The following PRPF6 variants were observed in gnomAD, a reference collection of about 807,000 sequenced individuals.
PRPF6 encodes pre-mRNA-processing factor 6.
In PRPF6, 42 loss-of-function variants were observed where a neutral mutation model predicts 118.3. The observed-to-expected ratio is 0.35, with a 90% CI of 0.28 to 0.46. The LOEUF (loss-of-function observed/expected upper bound fraction) is 0.46, where lower values mean the gene tolerates loss of function less well. Ranked by LOEUF, PRPF6 falls within the 20% of genes least tolerant of loss-of-function variation. PRPF6 has a pLI of 1.00. For missense variants in PRPF6, 662 were observed against 1,255.7 expected, an observed-to-expected ratio of 0.53 and a Z score of 7.15; for synonymous variants, 481 against 485.1, an observed-to-expected ratio of 0.99 and a Z score of 0.11.
chr20:64,024,847 G>A (rs549757739), intron 14 of PRPF6, among the ~76,000 whole-genome samples, 154 bp downstream of exon 14: 30 of 152,310 alleles, frequency 2.0e-4, no homozygotes, highest in Admixed American at 1.4e-3. Context: ...AGCAGGGGCC[G>A]TGAAGGGGCC....
At chr20:63,995,884 T>C (rs997885972) in intron 6 of PRPF6, among the ~76,000 whole-genome samples, 2 of 152,164 alleles carry the variant, frequency 1.3e-5, no homozygotes, top group Admixed American at 6.6e-5. Flanking sequence ...CTTGAACTCC[T>C]GACCTCAGGT....
In PRPF6 at chr20:64,026,987, C is replaced by G. The variant is rs1445183499; in HGVS notation, c.2034C>G (p.Phe678Leu). 1.9e-6 allele frequency: 3 copies of G among 1,613,766 alleles called. No individual in the cohort carries two copies. Among genetic ancestry groups the G allele is most frequent in the Non-Finnish European group, 2.5e-6 (3 of 1,180,040 alleles). Residue 678 changes from phenylalanine to leucine, a missense_variant, in exon 16 of 21, where the codon TTC becomes TTG. Physicochemically the swap from Phe to Leu is conservative, Grantham distance 22. Coordinates refer to ENST00000266079, the MANE Select transcript of PRPF6 (RefSeq NM_012469.4). The surrounding 1 kb of genome is among the most constrained non-coding windows in gnomAD (Gnocchi z 4.4). ...ARSSAPTARV[F>L]MKSVKLEWVQ... ...AGTGCATGTCTGCCCCACAGGTGTTCATGAAGTCTGTGAAGCTGGAGTGGG... is the reference window on the plus strand; with the variant it reads ...AGTGCATGTCTGCCCCACAGGTGTTGATGAAGTCTGTGAAGCTGGAGTGGG...
At chr20:63,999,382 C>G (rs892253707) in intron 7 of PRPF6, among the ~76,000 whole-genome samples, 3 of 152,210 alleles carry the variant, frequency 2.0e-5, no homozygotes, top group Admixed American at 2.0e-4. Context: ...TGGCTGTGTC[C>G]CACATGTCCC....
At position 64,027,749 on chromosome 20, in the gene PRPF6, G is replaced by T. The variant is rs756941266; in HGVS notation, c.2339+13G>T. 2 of 1,613,620 alleles carry T rather than the reference G, an allele frequency of 1.2e-6. No homozygotes were observed. The highest frequency in any genetic ancestry group is 1.1e-5 in the South Asian group (1 of 91,066). Reference sequence around the variant, plus strand: ...ACCCTGGGCTGTGGTGAGTCCTGGAGGGGGCAGCCTGGCCTCTGGGCACAG... The same window carrying T: ...ACCCTGGGCTGTGGTGAGTCCTGGATGGGGCAGCCTGGCCTCTGGGCACAG... On this transcript the variant is annotated intron_variant, in intron 17 of 20. Coordinates refer to ENST00000266079, the MANE Select transcript of PRPF6 (RefSeq NM_012469.4). The surrounding 1 kb of genome is among the most constrained non-coding windows in gnomAD (Gnocchi z 6.5).
At chr20:64,008,205 C>G (rs576608340) in intron 9 of PRPF6, among the ~76,000 whole-genome samples, 9 of 152,224 alleles carry the variant, frequency 5.9e-5, no homozygotes, top group Non-Finnish European at 1.3e-4. Flanking sequence ...GAATCAGGAT[C>G]TAAGCAAAGT....
At chr20:64,004,247 G>A (rs2059180324) in intron 9 of PRPF6, among the ~76,000 whole-genome samples, 1 of 152,162 alleles carries the variant, frequency 6.6e-6, no homozygotes, top group East Asian at 1.9e-4. Flanking sequence ...CTCAGGGAGT[G>A]GCCTCCTGGC....
At chr20:63,995,614 CCTT>C (rs763053581) in intron 6 of PRPF6, 132 bp downstream of exon 6, 11 of 1,081,016 alleles carry the variant, frequency 1.0e-5, no homozygotes, top group Admixed American at 1.0e-4. Context: ...TTCTCCTTCT[CCTT>C]TTTTTTTTTT....
chr20:64,028,656 T>C lies in PRPF6; in HGVS notation c.2431+87T>C. ...CTCCGGTAAGGGGGTGCTTCCTGGC[T>C]TCCCAGACTCCGCAGGGCTGGCACT... On this transcript the variant is annotated intron_variant, in intron 18 of 20. Coordinates refer to ENST00000266079, the MANE Select transcript of PRPF6 (RefSeq NM_012469.4). This position sits in a 1 kb window ranked among gnomAD's most constrained non-coding sequence, Gnocchi z 6.5. The C allele has an allele frequency of 6.9e-7, 1 of 1,452,444 alleles. No homozygotes were observed. The highest frequency in any genetic ancestry group is 9.5e-7 in the Non-Finnish European group (1 of 1,055,676). The allele number at this position is 1,452,444 out of a possible 1,614,324, so 90.0% of individuals were successfully genotyped here.
At position 64,026,843 on chromosome 20, in the gene PRPF6, T is replaced by C; in HGVS notation, c.2029-139T>C. 1.1e-6 allele frequency: 1 copy of C among 879,872 alleles called. No individual in the cohort carries two copies. The highest frequency in any genetic ancestry group is 1.8e-6 in the Non-Finnish European group (1 of 542,904). The allele number at this position is 879,872 out of a possible 1,614,324, so 54.5% of individuals were successfully genotyped here. A position where few individuals can be genotyped will look rare whatever the true frequency, so the allele number is the denominator to read the frequency against. On this transcript the variant is annotated intron_variant, in intron 15 of 20. Coordinates refer to ENST00000266079, the MANE Select transcript of PRPF6 (RefSeq NM_012469.4). The surrounding 1 kb of genome is among the most constrained non-coding windows in gnomAD (Gnocchi z 4.4). ...ACAAAAACATATATTTATCCCCACCTTTTGTGTACACAAACAGGCTATGAA... is the reference window on the plus strand; with the variant it reads ...ACAAAAACATATATTTATCCCCACCCTTTGTGTACACAAACAGGCTATGAA...
intron 19 of PRPF6, 151 bp from the exon 20 acceptor site, chr20:64,031,767 A>C: frequency 9.9e-7 from 1 of 1,013,714 alleles, no homozygotes; most frequent in Non-Finnish European, 1.5e-6. Flanking sequence ...TTATTTCTGG[A>C]TCAGCCGAGG....
At chr20:63,984,117 T>C (rs948106192) in intron 2 of PRPF6, among the ~76,000 whole-genome samples, 1 of 152,214 alleles carries the variant, frequency 6.6e-6, no homozygotes, top group African/African-American at 2.4e-5. Flanking sequence ...AGGAAAATTT[T>C]TAAAAATAAT....
At chr20:63,991,131 A>T (rs1057005956) in intron 3 of PRPF6, among the ~76,000 whole-genome samples, 1 of 152,196 alleles carries the variant, frequency 6.6e-6, no homozygotes, top group Non-Finnish European at 1.5e-5. Flanking sequence ...AATGCATTTT[A>T]AAAAACATCA....
At chr20:63,995,655 G>A (rs1296675861) in intron 6 of PRPF6, among the ~76,000 whole-genome samples, 173 bp downstream of exon 6, 1 of 126,766 alleles carries the variant, frequency 7.9e-6, no homozygotes, top group East Asian at 2.2e-4. Flanking sequence ...GAATAATTCC[G>A]CAGATTTTTA....
At chr20:64,016,008 C>T (rs184737335) in intron 11 of PRPF6, among the ~76,000 whole-genome samples, 1 of 152,248 alleles carries the variant, frequency 6.6e-6, no homozygotes, top group Non-Finnish European at 1.5e-5. Flanking sequence ...GTCTGTGCTA[C>T]TCGGGAGGCT....
At chr20:63,999,557 C>T (rs1401597539) in intron 7 of PRPF6, 46 bp from the exon 8 acceptor site, 4 of 1,612,322 alleles carry the variant, frequency 2.5e-6, no homozygotes, top group South Asian at 2.2e-5. Flanking sequence ...CTCGGGTGCA[C>T]CCCTGACAGC....
intron 9 of PRPF6, among the ~76,000 whole-genome samples, chr20:64,003,084 A>G (rs191318685): frequency 1.6e-3 from 241 of 152,036 alleles, no homozygotes; most frequent in African/African-American, 5.5e-3. Flanking sequence ...AGCTGGGAGT[A>G]TAGGTCCCAC....
At position 64,026,233 on chromosome 20, in the gene PRPF6, G is replaced by A. The variant is rs1210988305; in HGVS notation, c.2028+175G>A. The stretch of plus-strand genomic sequence containing the variant: ...ATGTGGCCGGGCGTGGTGGCCGGGC[G>A]CGGTGGCTCACGCCTGTAATCTCAG... On this transcript the variant is annotated intron_variant, in intron 15 of 20. Coordinates refer to ENST00000266079, the MANE Select transcript of PRPF6 (RefSeq NM_012469.4). This position sits in a 1 kb window ranked among gnomAD's most constrained non-coding sequence, Gnocchi z 4.4. Among the ~76,000 whole-genome samples the A allele has an allele frequency of 7.2e-5, 11 of 152,010 alleles. No homozygotes were observed. The highest frequency in any genetic ancestry group is 4.1e-4 in the South Asian group (2 of 4,820).
chr20:64,033,059 T>A lies in PRPF6; in HGVS notation c.*66T>A. 6.3e-7 allele frequency: 1 copy of A among 1,599,154 alleles called. No individual in the cohort carries two copies. Among genetic ancestry groups the A allele is most frequent in the Non-Finnish European group, 8.5e-7 (1 of 1,170,476 alleles). On this transcript the variant is annotated 3_prime_UTR_variant, in exon 21 of 21. Coordinates refer to ENST00000266079, the MANE Select transcript of PRPF6 (RefSeq NM_012469.4). ...GGCCGCATGTGGAAGGGCTCTGAGCTGTGTCCTCCTTCATTAAAAGTTTTT... is the reference window on the plus strand; with the variant it reads ...GGCCGCATGTGGAAGGGCTCTGAGCAGTGTCCTCCTTCATTAAAAGTTTTT...
chr20:63,998,669 G>A (rs1322026304), intron 6 of PRPF6, among the ~76,000 whole-genome samples: 3 of 151,254 alleles, frequency 2.0e-5, no homozygotes, highest in South Asian at 2.1e-4. Flanking sequence ...GTGAAACCCC[G>A]TCTCTACTAA....
Sources: gnomAD v4.1 joint callset for allele counts (sites outside exome capture counted in the v4.1 genomes callset) on GRCh38, gnomAD v4.1.1 for gene constraint, Gnocchi (gnomAD v3.1) non-coding constraint, MANE v1.5 for transcripts, NCBI Gene and HGNC (gene_info 2026-07-23, HGNC 2026-07-21) for gene names.